PCDHGB2: variants seen among roughly 807,000 people sequenced by gnomAD.
PCDHGB2 encodes the protein protocadherin gamma-B2.
In PCDHGB2, 55 loss-of-function variants were observed where a neutral mutation model predicts 59.3. The ratio of observed to expected loss-of-function variants is 0.93; its 90% confidence interval spans 0.75 to 1.16. The LOEUF (loss-of-function observed/expected upper bound fraction) is 1.16. Ranked by LOEUF, PCDHGB2 falls within the 50% of genes most tolerant of loss-of-function variation. PCDHGB2 has a pLI of 0.00. For synonymous variants in PCDHGB2, 516 were observed against 512.0 expected, an observed-to-expected ratio of 1.01 and a Z score of -0.11; for missense variants, 1,228 against 1,198.5, an observed-to-expected ratio of 1.02 and a Z score of -0.36.
intron 1 of PCDHGB2, chr5:141,384,111 G>A: frequency 6.2e-7 from 1 of 1,604,746 alleles, no homozygotes; most frequent in Non-Finnish European, 8.5e-7. Context: ...ATTATAGATT[G>A]GTCACAACCA....
At chr5:141,422,963 C>T (rs372620011) in intron 1 of PCDHGB2, 43 of 1,614,120 alleles carry the variant, frequency 2.7e-5, no homozygotes, top group Middle Eastern at 1.6e-4. Context: ...GTGGAGCTGG[C>T]GCCCCGCTCT....
At position 141,486,094 on chromosome 5, in the gene PCDHGB2, C is replaced by G. The variant is rs749887136; in HGVS notation, c.2422-8713C>G. 2 of 1,614,112 alleles carry G rather than the reference C, an allele frequency of 1.2e-6. No homozygotes were observed. Among genetic ancestry groups the G allele is most frequent in the Admixed American group, 3.3e-5 (2 of 60,018 alleles). ...CTGGAAAGCTTACTCTTTTGGGGCCCCTAGACTTTGAGAGTGAGAATTACT... is the reference window on the plus strand; with the variant it reads ...CTGGAAAGCTTACTCTTTTGGGGCCGCTAGACTTTGAGAGTGAGAATTACT... On this transcript the variant is annotated intron_variant, in intron 1 of 3. Coordinates refer to ENST00000522605, the MANE Select transcript of PCDHGB2 (RefSeq NM_018923.3). The surrounding 1 kb of genome is among the most constrained non-coding windows in gnomAD (Gnocchi z 5.0).
chr5:141,457,937 G>A (rs916509260), intron 1 of PCDHGB2, among the ~76,000 whole-genome samples: 1 of 152,166 alleles, frequency 6.6e-6, no homozygotes, highest in African/African-American at 2.4e-5. Flanking sequence ...GGCTTTTATT[G>A]GCTCTGCATG....
chr5:141,407,706 G>C (rs1350991580), intron 1 of PCDHGB2, among the ~76,000 whole-genome samples: 3 of 152,006 alleles, frequency 2.0e-5, no homozygotes, highest in Admixed American at 1.3e-4. Context: ...GTTGAAGGTG[G>C]GGTGATGGCT....
At chr5:141,481,982 G>A (rs1378873905) in intron 1 of PCDHGB2, among the ~76,000 whole-genome samples, 2 of 151,628 alleles carry the variant, frequency 1.3e-5, no homozygotes, top group African/African-American at 2.4e-5. Context: ...CTACTTGGGA[G>A]GTTGAAGCAG....
intron 1 of PCDHGB2, chr5:141,421,777 CG>C (rs760013586): frequency 1.2e-6 from 2 of 1,613,804 alleles, no homozygotes; most frequent in Admixed American, 3.3e-5. Flanking sequence ...CTTGCAACTG[CG>C]GGGCAGAACG....
chr5:141,383,440 G>C, intron 1 of PCDHGB2: 1 of 1,613,950 alleles, frequency 6.2e-7, no homozygotes, highest in African/African-American at 1.3e-5. Flanking sequence ...CTTCTCCCTG[G>C]CTGTGCAAAG....
chr5:141,485,993 A>C lies in PCDHGB2; in HGVS notation c.2422-8814A>C. 6.2e-7 allele frequency: 1 copy of C among 1,614,210 alleles called. No homozygotes were observed. Among genetic ancestry groups the C allele is most frequent in the Non-Finnish European group, 8.5e-7 (1 of 1,180,028 alleles). On this transcript the variant is annotated intron_variant, in intron 1 of 3. Coordinates refer to ENST00000522605, the MANE Select transcript of PCDHGB2 (RefSeq NM_018923.3). The surrounding 1 kb of genome is among the most constrained non-coding windows in gnomAD (Gnocchi z 5.7). ...TGCCTCAGACCCGGACCTGGGTCCC[A>C]GTGGTAACGTCACCTTTTATTTCAG...
chr5:141,490,045 C>T lies in PCDHGB2; in HGVS notation c.2422-4762C>T, dbSNP rs530803072. On this transcript the variant is annotated intron_variant, in intron 1 of 3. Transcript: ENST00000522605. The surrounding 1 kb of genome is among the most constrained non-coding windows in gnomAD (Gnocchi z 5.4). ...GCTGCTCCGCCTCAATGCCACTGAT[C>T]CAGACGAGGGCACCAACGGCCAACT... 1.2e-5 allele frequency: 19 copies of T among 1,614,114 alleles called. No individual in the cohort carries two copies. Among genetic ancestry groups the T allele is most frequent in the Admixed American group, 1.2e-4 (7 of 60,014 alleles).
chr5:141,371,529 A>G lies in PCDHGB2; in HGVS notation c.2421+8973A>G, dbSNP rs200031435. The G allele has an allele frequency of 3.3e-4, 527 of 1,613,610 alleles. No homozygotes were observed. The highest frequency in any genetic ancestry group is 8.3e-4 in the Admixed American group (50 of 59,952). On this transcript the variant is annotated intron_variant, in intron 1 of 3. Transcript: ENST00000522605. ...AACACATGATCTAGATTCTGGATTTAATGGAGAAATCCTATGCCAACTAAA... is the reference window on the plus strand; with the variant it reads ...AACACATGATCTAGATTCTGGATTTGATGGAGAAATCCTATGCCAACTAAA...
In PCDHGB2 at chr5:141,365,348, G is replaced by A. The variant is rs770428432; in HGVS notation, c.2421+2792G>A. ...TAAGGTGGTGGTCACAGTACAGGAC[G>A]TGAATGACAATGCCCCCGAAGTGAT... On this transcript the variant is annotated intron_variant, in intron 1 of 3. Transcript: ENST00000522605. 4 of 1,613,954 alleles carry A rather than the reference G, an allele frequency of 2.5e-6. No homozygotes were observed. Among genetic ancestry groups the A allele is most frequent in the African/African-American group, 1.3e-5 (1 of 75,034 alleles).
intron 1 of PCDHGB2, chr5:141,364,242 G>C (rs192201180): frequency 2.1e-6 from 3 of 1,451,222 alleles, no homozygotes; most frequent in East Asian, 2.4e-5. Context: ...GCCCATTTTC[G>C]TCAGGGAATA....
chr5:141,365,907 G>A, intron 1 of PCDHGB2: 1 of 1,614,196 alleles, frequency 6.2e-7, no homozygotes, highest in Non-Finnish European at 8.5e-7. Context: ...GAGCAGTTGA[G>A]AGACCTACAG....
intron 1 of PCDHGB2, chr5:141,392,879 G>T: frequency 1.2e-6 from 2 of 1,613,512 alleles, no homozygotes; most frequent in East Asian, 2.2e-5. Flanking sequence ...TGCTGGGAAC[G>T]CTGTGGGAAA....
rs755899945 is a variant in PCDHGB2, at chr5:141,361,809, T to A, written c.1674T>A (p.Asn558Lys). ...LRVLVGDLND[N>K]APRVLYPALG... Reference sequence around the variant, plus strand: ...TGTTAGTGGGCGACCTCAATGACAATGCGCCACGGGTGCTGTACCCCGCGC... The same window carrying A: ...TGTTAGTGGGCGACCTCAATGACAAAGCGCCACGGGTGCTGTACCCCGCGC... Residue 558 changes from asparagine to lysine, a missense_variant, in exon 1 of 4, where the codon AAT (asparagine) becomes AAA (lysine). Around this residue, in one of 3 missense-constraint regions of PCDHGB2, gnomAD observed 781 missense variants for 721.6 expected, o/e 1.08. Coordinates refer to ENST00000522605, the MANE Select transcript of PCDHGB2 (RefSeq NM_018923.3). 10 of 1,612,970 alleles carry A rather than the reference T, an allele frequency of 6.2e-6. No homozygotes were observed. In the South Asian group the frequency reaches 9.9e-5, roughly 16 times the overall value.
intron 1 of PCDHGB2, chr5:141,389,864 G>A: frequency 6.2e-7 from 1 of 1,614,058 alleles, no homozygotes; most frequent in Non-Finnish European, 8.5e-7. Flanking sequence ...CGTTGCACCT[G>A]GTCTTCGCCG....
chr5:141,398,051 C>G, intron 1 of PCDHGB2: 3 of 1,512,220 alleles, frequency 2.0e-6, no homozygotes, highest in Non-Finnish European at 2.7e-6. Context: ...GTTCGGAGAT[C>G]CAAAAATCTA....
Position 141,415,740 on chromosome 5 carries a change from G to T in PCDHGB2, c.2421+53184G>T, listed in dbSNP as rs866795513. 9.4e-4 allele frequency: 585 copies of T among 624,884 alleles called. 4 individuals carry two copies. The highest frequency in any genetic ancestry group is 8.0e-3 in the African/African-American group (318 of 39,862). 38.7% of individuals were successfully genotyped at this position (624,884 alleles called of 1,614,324 possible). A position where few individuals can be genotyped will look rare whatever the true frequency, so the allele number is the denominator to read the frequency against. The stretch of plus-strand genomic sequence containing the variant: ...TGAGTAGAATTTGATGTTTATTAAG[G>T]TTTTTTTTTTTTTTTTTTTTTTTTT... On this transcript the variant is annotated intron_variant, in intron 1 of 3. Coordinates refer to ENST00000522605, the MANE Select transcript of PCDHGB2 (RefSeq NM_018923.3).
intron 1 of PCDHGB2, chr5:141,414,815 G>T (rs1437985019): frequency 2.2e-5 from 35 of 1,614,236 alleles, no homozygotes; most frequent in Non-Finnish European, 2.9e-5. Flanking sequence ...CCTCCACTCA[G>T]CAGCAACGTG....
Sources: gnomAD v4.1 joint callset for allele counts (sites outside exome capture counted in the v4.1 genomes callset) on GRCh38, gnomAD v4.1.1 for gene constraint, gnomAD v4.1.1 regional missense constraint, Gnocchi (gnomAD v3.1) non-coding constraint, MANE v1.5 for transcripts, NCBI Gene and HGNC (gene_info 2026-07-23, HGNC 2026-07-21) for gene names.